Variants in RAB3C observed in about 807,000 individuals in gnomAD.
RAB3C encodes the protein ras-related protein Rab-3C.
A neutral mutation model predicts 26.4 loss-of-function variants in RAB3C; 17 were observed. That is an observed-to-expected ratio of 0.64 (90% CI 0.44 to 0.97). RAB3C has a LOEUF of 0.97. Ranked by LOEUF, RAB3C falls within the 50% of genes least tolerant of loss-of-function variation. RAB3C has a pLI of 0.00. For missense variants in RAB3C, 242 were observed against 281.9 expected, an observed-to-expected ratio of 0.86 and a Z score of 1.01; for synonymous variants, 91 against 95.9, an observed-to-expected ratio of 0.95 and a Z score of 0.30.
intron 3 of RAB3C, among the ~76,000 whole-genome samples, chr5:58,764,462 T>G (rs1741856993): frequency 6.6e-6 from 1 of 152,184 alleles, no homozygotes; most frequent in South Asian, 2.1e-4. Context: ...GAGGACTTTC[T>G]TTCTTCAGAA....
rs185727892 is a variant in RAB3C at position 58,602,116 on chromosome 5, T to G, written c.25-15527T>G. On this transcript the variant is annotated intron_variant, in intron 1 of 4. Coordinates refer to ENST00000282878, the MANE Select transcript of RAB3C (RefSeq NM_138453.4). ...TGATTTTTTTTTGACCCAGTGTTCA[T>G]TCAGGAGCAGGTCATTTAACTTCCA... is the stretch of plus-strand genomic sequence containing the variant. Among the ~76,000 whole-genome samples, 833 of 152,264 alleles carry G rather than the reference T, an allele frequency of 5.5e-3. 3 individuals carry two copies. Among genetic ancestry groups the G allele is most frequent in the Middle Eastern group, 0.01 (3 of 294 alleles).
intron 2 of RAB3C, among the ~76,000 whole-genome samples, chr5:58,672,121 A>G (rs1169077405): frequency 6.6e-6 from 1 of 152,192 alleles, no homozygotes; most frequent in African/African-American, 2.4e-5. Context: ...CGAAAACAAA[A>G]CATACTAAAA....
At chr5:58,823,832 C>T (rs574212596) in intron 3 of RAB3C, 1 of 150,290 alleles carries the variant, frequency 6.7e-6, no homozygotes, top group African/African-American at 2.4e-5. Context: ...CCCATTAACT[C>T]GTCATTTAGC....
intron 2 of RAB3C, among the ~76,000 whole-genome samples, chr5:58,713,658 G>C (rs962490669): frequency 6.6e-6 from 1 of 152,146 alleles, no homozygotes; most frequent in Non-Finnish European, 1.5e-5. Context: ...ATTGACAATG[G>C]TAATATAACA....
In RAB3C at chr5:58,780,971, A is replaced by G. The variant is rs549798867; in HGVS notation, c.372-44067A>G. 2.6e-5 allele frequency among the ~76,000 whole-genome samples: 4 copies of G among 152,172 alleles called. No homozygotes were observed. The South Asian group carries it at 6.2e-4, about 24-fold the overall frequency. On this transcript the variant is annotated intron_variant, in intron 3 of 4. Transcript: ENST00000282878. ...CCTATCTTGTAGTCTGTAACTATGT[A>G]CCAGCTATAATTTCATTCAGATCCT...
At position 58,845,612 on chromosome 5, in the gene RAB3C, A is replaced by ATATATGTGTGTGTGTGTG; in HGVS notation, c.497-5551_497-5550insATATGTGTGTGTGTGTGT. On this transcript the variant is annotated intron_variant, in intron 4 of 4. Coordinates refer to ENST00000282878, the MANE Select transcript of RAB3C (RefSeq NM_138453.4). ...ATTCTTACTATATATATATATATAT[A>ATATATGTGTGTGTGTGTG]TGTGTGTGTGTGTGTGTGTATATGT... Among the ~76,000 whole-genome samples the ATATATGTGTGTGTGTGTG allele has an allele frequency of 2.8e-4, 23 of 81,650 alleles. No homozygotes were observed. The South Asian group carries it at 8.5e-3, about 30-fold the overall frequency. The allele number at this position is 81,650 out of a possible 152,430, so 53.6% of individuals were successfully genotyped here. A position where few individuals can be genotyped will look rare whatever the true frequency, so the allele number is the denominator to read the frequency against.
chr5:58,854,068 C>CACACACACACAT lies in RAB3C; in HGVS notation c.*2723_*2724insACACATACACAC, dbSNP rs1744178288. 6.6e-6 allele frequency: 1 copy of CACACACACACAT among 150,786 alleles called. No individual in the cohort carries two copies. Among genetic ancestry groups the CACACACACACAT allele is most frequent in the Non-Finnish European group, 1.5e-5 (1 of 67,742 alleles). The allele number at this position is 150,786 out of a possible 1,614,324, so 9.3% of individuals were successfully genotyped here. Reference sequence around the variant, plus strand: ...ACACACACACACACACACACACACACACACACTATACCATCATCTATCAAT... The same window carrying CACACACACACAT: ...ACACACACACACACACACACACACACACACACACACATACACACTATACCATCATCTATCAAT... On this transcript the variant is annotated 3_prime_UTR_variant, in exon 5 of 5. Transcript: ENST00000282878.
intron 1 of RAB3C, among the ~76,000 whole-genome samples, chr5:58,605,095 G>A (rs1746531990): frequency 6.6e-6 from 1 of 152,178 alleles, no homozygotes; most frequent in South Asian, 2.1e-4. Flanking sequence ...AACTTCTCCA[G>A]TGGGGTGTGT....
chr5:58,697,548 G>A lies in RAB3C; in HGVS notation c.253-28454G>A, dbSNP rs570199489. Among the ~76,000 whole-genome samples the A allele has an allele frequency of 1.2e-4, 18 of 152,266 alleles. 1 individual carries two copies. The East Asian group carries it at 2.1e-3, about 18-fold the overall frequency. ...TGTTAAAGTCTCCCATTATTATTGT[G>A]TGGGAGTCTAAGTTTCTTTGTACAT... On this transcript the variant is annotated intron_variant, in intron 2 of 4. Transcript: ENST00000282878.
intron 3 of RAB3C, among the ~76,000 whole-genome samples, chr5:58,747,398 G>A (rs780631551): frequency 2.2e-4 from 33 of 151,896 alleles, no homozygotes; most frequent in Non-Finnish European, 3.8e-4. Flanking sequence ...ATTTTATTTG[G>A]TTATCCTACT....
chr5:58,691,210 A>G (rs1748563869), intron 2 of RAB3C, among the ~76,000 whole-genome samples: 1 of 152,202 alleles, frequency 6.6e-6, no homozygotes, highest in South Asian at 2.1e-4. Context: ...CTAAAAGTAC[A>G]GATTCCCACA....
At chr5:58,816,092 C>A (rs1237102098) in intron 3 of RAB3C, among the ~76,000 whole-genome samples, 2 of 152,202 alleles carry the variant, frequency 1.3e-5, no homozygotes, top group Non-Finnish European at 2.9e-5. Flanking sequence ...TTGAGCCATA[C>A]TGCCAGCTCC....
rs1406718552 is a variant in RAB3C at position 58,583,101 on chromosome 5, A to C, written c.-108A>C. ...GTGCTGATGTTGGAGCCGGTTAGCG[A>C]ACCCCAAGAGTGCAGAGTGTGGAGC... On this transcript the variant is annotated 5_prime_UTR_variant, in exon 1 of 5. Coordinates refer to ENST00000282878, the MANE Select transcript of RAB3C (RefSeq NM_138453.4). The C allele has an allele frequency of 1.3e-6, 2 of 1,580,886 alleles. No individual in the cohort carries two copies. The highest frequency in any genetic ancestry group is 3.7e-5 in the Admixed American group (2 of 54,058).
chr5:58,726,742 T>C (rs950355638), intron 3 of RAB3C, among the ~76,000 whole-genome samples: 1 of 151,954 alleles, frequency 6.6e-6, no homozygotes, highest in South Asian at 2.1e-4. Flanking sequence ...AAACCAAAAC[T>C]TTTTCTGACT....
chr5:58,749,120 G>A (rs1741466034), intron 3 of RAB3C, among the ~76,000 whole-genome samples: 1 of 151,226 alleles, frequency 6.6e-6, no homozygotes, highest in Admixed American at 6.6e-5. Flanking sequence ...CTTCTATCAT[G>A]CCCTTACTCC....
At chr5:58,799,872 T>C (rs531226043) in intron 3 of RAB3C, among the ~76,000 whole-genome samples, 1 of 152,312 alleles carries the variant, frequency 6.6e-6, no homozygotes, top group Admixed American at 6.5e-5. Context: ...CAATGTAATA[T>C]ACAGTTGTAG....
chr5:58,768,978 T>G (rs547874107), intron 3 of RAB3C, among the ~76,000 whole-genome samples: 1 of 152,184 alleles, frequency 6.6e-6, no homozygotes, highest in East Asian at 1.9e-4. Context: ...CTACACAAGA[T>G]GTGGTGATGG....
chr5:58,768,767 G>T (rs1356449961), intron 3 of RAB3C, among the ~76,000 whole-genome samples: 1 of 152,054 alleles, frequency 6.6e-6, no homozygotes, highest in Non-Finnish European at 1.5e-5. Flanking sequence ...CAGTAAGTAA[G>T]GGTGTAAATG....
At chr5:58,596,568 TAA>T (rs1347386169) in intron 1 of RAB3C, among the ~76,000 whole-genome samples, 1 of 126,410 alleles carries the variant, frequency 7.9e-6, no homozygotes, top group African/African-American at 3.0e-5. Flanking sequence ...ATATTATATA[TAA>T]ATATATAATA....
Sources: gnomAD v4.1 joint callset for allele counts (sites outside exome capture counted in the v4.1 genomes callset) on GRCh38, gnomAD v4.1.1 for gene constraint, MANE v1.5 for transcripts, NCBI Gene and HGNC (gene_info 2026-07-23, HGNC 2026-07-21) for gene names.